INPP4B: variants seen among roughly 807,000 people sequenced by gnomAD.
INPP4B encodes the protein inositol polyphosphate-4-phosphatase type II B.
In INPP4B, 55 loss-of-function variants were observed where a neutral mutation model predicts 122.5. That is an observed-to-expected ratio of 0.45 (90% confidence interval 0.36 to 0.56). The LOEUF (loss-of-function observed/expected upper bound fraction) is 0.56. Ranked by LOEUF, INPP4B falls within the 20% of genes least tolerant of loss-of-function variation. The pLI, the probability that INPP4B is intolerant of heterozygous loss-of-function variation, is 0.00. For missense variants in INPP4B, 1,000 were observed against 1,097.7 expected, an observed-to-expected ratio of 0.91 and a Z score of 1.26; for synonymous variants, 403 against 388.7, an observed-to-expected ratio of 1.04 and a Z score of -0.43.
intron 16 of INPP4B, among the ~76,000 whole-genome samples, chr4:142,169,475 T>C (rs540188894): frequency 6.6e-6 from 1 of 151,720 alleles, no homozygotes; most frequent in Non-Finnish European, 1.5e-5. Flanking sequence ...TTCTCTCTAT[T>C]ATGTGTATCT....
At chr4:142,662,771 G>C (rs1755428208) in intron 2 of INPP4B, among the ~76,000 whole-genome samples, 1 of 152,142 alleles carries the variant, frequency 6.6e-6, no homozygotes. Context: ...TAAAAATTTG[G>C]TGTTTATTCA....
In INPP4B at chr4:142,180,347, A is replaced by G. The variant is rs553033222; in HGVS notation, c.1182-6538T>C. On this transcript the variant is annotated intron_variant, in intron 15 of 25. Coordinates refer to ENST00000262992, the MANE Select transcript of INPP4B (RefSeq NM_001101669.3). ...TACAAAAAAAACAGAAGGTACATATACAAGCCATTTTATTTTTTTCCATGT... is the reference window on the plus strand; with the variant it reads ...TACAAAAAAAACAGAAGGTACATATGCAAGCCATTTTATTTTTTTCCATGT... Among the ~76,000 whole-genome samples the G allele has an allele frequency of 1.9e-4, 29 of 152,314 alleles. No homozygotes were observed. The South Asian group carries it at 6.0e-3, about 32-fold the overall frequency.
At position 142,707,098 on chromosome 4, in the gene INPP4B, ATCT is replaced by A. The variant is rs557099901; in HGVS notation, c.-191+18738_-191+18740del. Among the ~76,000 whole-genome samples, 731 of 152,334 alleles carry A rather than the reference ATCT, an allele frequency of 4.8e-3. 4 individuals carry two copies. Among genetic ancestry groups the A allele is most frequent in the Non-Finnish European group, 7.9e-3 (538 of 68,024 alleles). On this transcript the variant is annotated intron_variant, in intron 2 of 25. Transcript: ENST00000262992. Reference sequence around the variant, plus strand: ...CCACCAATCCCTGCACTGGATCAGCATCTTCTTCTACTCAATTACTCTCCAAAA... The same window carrying A: ...CCACCAATCCCTGCACTGGATCAGCATCTTCTACTCAATTACTCTCCAAAA...
chr4:142,470,280 A>G (rs1327952958), intron 2 of INPP4B, among the ~76,000 whole-genome samples: 1 of 152,184 alleles, frequency 6.6e-6, no homozygotes, highest in Non-Finnish European at 1.5e-5. Flanking sequence ...AAATATTTAA[A>G]AGATGCTTCA....
intron 3 of INPP4B, among the ~76,000 whole-genome samples, chr4:142,459,871 G>T (rs1816341866): frequency 6.6e-6 from 1 of 152,114 alleles, no homozygotes; most frequent in Admixed American, 6.5e-5. Flanking sequence ...CCTCTAATTG[G>T]AGTTTAAATC....
chr4:142,181,902 C>T (rs929599094), intron 15 of INPP4B, among the ~76,000 whole-genome samples: 1 of 152,152 alleles, frequency 6.6e-6, no homozygotes, highest in African/African-American at 2.4e-5. Flanking sequence ...CATCAATTCA[C>T]ATGTTTTTTA....
At chr4:142,406,545 G>A (rs1398364745) in intron 5 of INPP4B, among the ~76,000 whole-genome samples, 5 of 152,176 alleles carry the variant, frequency 3.3e-5, no homozygotes, top group Non-Finnish European at 1.5e-5. Flanking sequence ...AGGAACTTCG[G>A]AATGAAACAG....
At chr4:142,534,135 G>C (rs1330858221) in intron 2 of INPP4B, among the ~76,000 whole-genome samples, 1 of 152,052 alleles carries the variant, frequency 6.6e-6, no homozygotes, top group Non-Finnish European at 1.5e-5. Flanking sequence ...AATGCCTTTA[G>C]TGTTTTATGC....
chr4:142,672,822 G>A (rs915720254), intron 2 of INPP4B, among the ~76,000 whole-genome samples: 1 of 152,018 alleles, frequency 6.6e-6, no homozygotes, highest in Non-Finnish European at 1.5e-5. Flanking sequence ...CAAAAGTCTT[G>A]AAGACTTTCT....
At chr4:142,084,462 G>A (rs547262530) in intron 24 of INPP4B, among the ~76,000 whole-genome samples, 20 of 151,922 alleles carry the variant, frequency 1.3e-4, no homozygotes, top group African/African-American at 4.8e-4. Flanking sequence ...AACTAAAGCA[G>A]TATTTCATTA....
chr4:142,360,996 C>T (rs1159332594), intron 7 of INPP4B, among the ~76,000 whole-genome samples: 4 of 151,746 alleles, frequency 2.6e-5, no homozygotes, highest in Admixed American at 1.3e-4. Context: ...TGAGTGTCAT[C>T]CTTGATGCTT....
intron 2 of INPP4B, among the ~76,000 whole-genome samples, chr4:142,657,135 G>A (rs1754307149): frequency 6.6e-6 from 1 of 152,174 alleles, no homozygotes; most frequent in Non-Finnish European, 1.5e-5. Context: ...TGTACTGTGT[G>A]TGATATCTGT....
At chr4:142,530,630 G>GA (rs980355334) in intron 2 of INPP4B, among the ~76,000 whole-genome samples, 1 of 150,532 alleles carries the variant, frequency 6.6e-6, no homozygotes, top group African/African-American at 2.4e-5. Flanking sequence ...AATTAAGGCA[G>GA]AAAAAAATAA....
At chr4:142,456,375 T>G (rs1469519647) in intron 3 of INPP4B, among the ~76,000 whole-genome samples, 1 of 151,994 alleles carries the variant, frequency 6.6e-6, no homozygotes, top group African/African-American at 2.4e-5. Flanking sequence ...ATATACAGTT[T>G]TTCCAGCCTC....
intron 2 of INPP4B, among the ~76,000 whole-genome samples, chr4:142,469,016 C>T (rs1160488857): frequency 6.6e-6 from 1 of 151,756 alleles, no homozygotes; most frequent in Non-Finnish European, 1.5e-5. Context: ...ATCTAATTTC[C>T]CAAAGGTTTT....
At chr4:142,214,070 C>T (rs1846028696) in intron 12 of INPP4B, among the ~76,000 whole-genome samples, 1 of 152,152 alleles carries the variant, frequency 6.6e-6, no homozygotes, top group Non-Finnish European at 1.5e-5. Context: ...TGTAACAATA[C>T]ATTATTTCTA....
intron 7 of INPP4B, among the ~76,000 whole-genome samples, chr4:142,396,915 T>C (rs556838838): frequency 6.6e-6 from 1 of 152,198 alleles, no homozygotes; most frequent in Admixed American, 6.5e-5. Context: ...GGAAAGTGTT[T>C]GCCTCAGGTT....
chr4:142,231,304 C>T (rs1455018615), intron 12 of INPP4B, among the ~76,000 whole-genome samples: 2 of 152,224 alleles, frequency 1.3e-5, no homozygotes, highest in Admixed American at 1.3e-4. Context: ...CAAAGAATAA[C>T]TTCCTCCATT....
At chr4:142,726,466 A>G (rs900238660) in intron 1 of INPP4B, among the ~76,000 whole-genome samples, 5 of 152,218 alleles carry the variant, frequency 3.3e-5, no homozygotes, top group African/African-American at 7.2e-5. Context: ...TGCTGCAACA[A>G]GGAGGAAAGT....
Sources: gnomAD v4.1 joint callset for allele counts (sites outside exome capture counted in the v4.1 genomes callset) on GRCh38, gnomAD v4.1.1 for gene constraint, MANE v1.5 for transcripts, NCBI Gene and HGNC (gene_info 2026-07-23, HGNC 2026-07-21) for gene names.